CAMK2B: variants seen among roughly 807,000 people sequenced by gnomAD.
CAMK2B encodes calcium/calmodulin-dependent protein kinase type II subunit beta.
In CAMK2B, 27 loss-of-function variants were observed where a neutral mutation model predicts 93.7. The ratio of observed to expected loss-of-function variants is 0.29; its 90% CI spans 0.21 to 0.40. The LOEUF (loss-of-function observed/expected upper bound fraction) is 0.40, where lower values mean the gene tolerates loss of function less well. CAMK2B is among the 10% of genes least tolerant of loss of function. CAMK2B has a pLI of 1.00. For synonymous variants in CAMK2B, 374 were observed against 358.8 expected (o/e 1.04, Z -0.48); for missense variants, 568 against 895.8 (o/e 0.63, Z 4.67).
chr7:44,267,416 G>A (rs905206059), intron 2 of CAMK2B, among the ~76,000 whole-genome samples: 9 of 152,192 alleles, frequency 5.9e-5, no homozygotes, highest in Admixed American at 5.2e-4. Flanking sequence ...ACTCATGCTG[G>A]AAAAAGACTT....
At chr7:44,257,445 C>T (rs2096843866) in intron 4 of CAMK2B, among the ~76,000 whole-genome samples, 1 of 152,236 alleles carries the variant, frequency 6.6e-6, no homozygotes, top group Non-Finnish European at 1.5e-5. Context: ...GAACACACCA[C>T]CCTTTCTCCT....
chr7:44,323,102 G>A (rs561286689), intron 1 of CAMK2B, among the ~76,000 whole-genome samples: 14 of 152,174 alleles, frequency 9.2e-5, no homozygotes, highest in East Asian at 1.9e-4. Flanking sequence ...TCTATGGCAC[G>A]GCTGCACCCC....
chr7:44,263,713 C>T (rs886399568), intron 2 of CAMK2B, among the ~76,000 whole-genome samples: 1 of 152,180 alleles, frequency 6.6e-6, no homozygotes, highest in African/African-American at 2.4e-5. Context: ...ACTTATCTGC[C>T]AGAAATTTTA....
At chr7:44,284,276 G>C (rs1784484192) in intron 1 of CAMK2B, 51 bp from the exon 2 acceptor site, 3 of 1,286,812 alleles carry the variant, frequency 2.3e-6, no homozygotes, top group Non-Finnish European at 3.3e-6. Context: ...CAGACAAGGA[G>C]AAAGAGAGAG....
At position 44,235,042 on chromosome 7, in the gene CAMK2B, C is replaced by T. The variant is rs565959445; in HGVS notation, c.1022-366G>A. ...CTCCCTGATGGGAACTCAGGACTAG[C>T]TGTGTCAGGTTGGGGTGGGGGCAGC... is the stretch of plus-strand genomic sequence containing the variant. On this transcript the variant is annotated intron_variant, in intron 13 of 23. Coordinates refer to ENST00000395749, the MANE Select transcript of CAMK2B (RefSeq NM_001220.5). Among the ~76,000 whole-genome samples, 587 of 151,836 alleles carry T rather than the reference C, an allele frequency of 3.9e-3. 4 individuals carry two copies. Among genetic ancestry groups the T allele is most frequent in the African/African-American group, 0.013 (552 of 41,572 alleles).
At chr7:44,283,134 T>G (rs1784162299) in intron 2 of CAMK2B, among the ~76,000 whole-genome samples, 1 of 152,186 alleles carries the variant, frequency 6.6e-6, no homozygotes, top group African/African-American at 2.4e-5. Context: ...CACCCCACCT[T>G]GGGGCTCCAG....
intron 4 of CAMK2B, among the ~76,000 whole-genome samples, chr7:44,256,603 C>T (rs1378223691): frequency 1.3e-5 from 2 of 152,248 alleles, no homozygotes; most frequent in African/African-American, 2.4e-5. Context: ...GCCTGGCATG[C>T]CCCAGTGTTG....
At chr7:44,245,362 G>A (rs1009354769) in intron 6 of CAMK2B, among the ~76,000 whole-genome samples, 3 of 152,196 alleles carry the variant, frequency 2.0e-5, no homozygotes, top group Non-Finnish European at 4.4e-5. Flanking sequence ...GGGCTGTCAC[G>A]ATCAAGATGG....
intron 1 of CAMK2B, among the ~76,000 whole-genome samples, chr7:44,297,693 A>G (rs1171208620): frequency 6.6e-6 from 1 of 152,230 alleles, no homozygotes; most frequent in Non-Finnish European, 1.5e-5. Context: ...CCCTATCAAA[A>G]TTCCAATGGC....
chr7:44,258,857 A>G lies in CAMK2B; in HGVS notation c.275+15T>C, dbSNP rs926939214. The G allele has an allele frequency of 1.9e-6, 3 of 1,612,756 alleles. No individual in the cohort carries two copies. Among genetic ancestry groups the G allele is most frequent in the African/African-American group, 2.7e-5 (2 of 74,900 alleles). ...GGGAGTGAGTGCAGCGAGAGTCCCCAGCTCTGGAACTTACAGATCGAAGAC... is the reference window on the plus strand; with the variant it reads ...GGGAGTGAGTGCAGCGAGAGTCCCCGGCTCTGGAACTTACAGATCGAAGAC... On this transcript the variant is annotated intron_variant, in intron 4 of 23. Coordinates refer to ENST00000395749, the MANE Select transcript of CAMK2B (RefSeq NM_001220.5).
intron 11 of CAMK2B, 82 bp downstream of exon 11, chr7:44,241,618 G>T: frequency 9.1e-7 from 1 of 1,098,354 alleles, no homozygotes; most frequent in Non-Finnish European, 1.4e-6. Context: ...GGTCTGCCCA[G>T]ACCCCCCAAG....
rs115726216 is a variant in CAMK2B, at chr7:44,305,046, A to T, written c.65+20311T>A. Among the ~76,000 whole-genome samples, 260 of 152,312 alleles carry T rather than the reference A, an allele frequency of 1.7e-3. 1 individual carries two copies. Among genetic ancestry groups the T allele is most frequent in the African/African-American group, 6.1e-3 (252 of 41,568 alleles). ...ATGCCTATATATTTGCCATATAGTG[A>T]AATTTAAAACTTCACTGTGACCTGA... is the stretch of plus-strand genomic sequence containing the variant. On this transcript the variant is annotated intron_variant, in intron 1 of 23. Coordinates refer to ENST00000395749, the MANE Select transcript of CAMK2B (RefSeq NM_001220.5).
chr7:44,222,854 C>T (rs941202511), intron 20 of CAMK2B, among the ~76,000 whole-genome samples: 2 of 152,078 alleles, frequency 1.3e-5, no homozygotes, highest in Non-Finnish European at 2.9e-5. Context: ...ACTGAGTCCA[C>T]AAAGGAGGCG....
chr7:44,276,369 G>A (rs780433149), intron 2 of CAMK2B, among the ~76,000 whole-genome samples: 30 of 152,316 alleles, frequency 2.0e-4, no homozygotes, highest in Non-Finnish European at 2.4e-4. Context: ...TGTGGATTGC[G>A]CGGGAGCCAC....
chr7:44,281,747 C>G (rs1414786476), intron 2 of CAMK2B, among the ~76,000 whole-genome samples: 1 of 152,174 alleles, frequency 6.6e-6, no homozygotes, highest in Non-Finnish European at 1.5e-5. Flanking sequence ...GACTGAAATC[C>G]TGGTTACAGA....
In CAMK2B at chr7:44,224,696, C is replaced by T. The variant is rs920375017; in HGVS notation, c.1597+1820G>A. On this transcript the variant is annotated intron_variant, in intron 20 of 23. Coordinates refer to ENST00000395749, the MANE Select transcript of CAMK2B (RefSeq NM_001220.5). The surrounding 1 kb of genome is among the most constrained non-coding windows in gnomAD (Gnocchi z 4.4). ...CATCTCTCAGAGCCAGAGGTGGCTG[C>T]GGGAGGGAGGGCAGCTGCCCAGGGA... Among the ~76,000 whole-genome samples, 11 of 152,206 alleles carry T rather than the reference C, an allele frequency of 7.2e-5. No homozygotes were observed. The South Asian group carries it at 1.0e-3, about 14-fold the overall frequency.
intron 2 of CAMK2B, 98 bp from the exon 3 acceptor site, chr7:44,263,162 C>T: frequency 8.7e-7 from 1 of 1,154,450 alleles, no homozygotes; most frequent in Non-Finnish European, 1.3e-6. Flanking sequence ...TGTGCCAGGG[C>T]CTCTGACGAG....
Position 44,258,855 on chromosome 7 carries a change from C to T in CAMK2B, c.275+17G>A, listed in dbSNP as rs772236334. ...CTGGGAGTGAGTGCAGCGAGAGTCC[C>T]CAGCTCTGGAACTTACAGATCGAAG... On this transcript the variant is annotated intron_variant, in intron 4 of 23. Transcript: ENST00000395749. 1.2e-6 allele frequency: 2 copies of T among 1,612,884 alleles called. No homozygotes were observed. The highest frequency in any genetic ancestry group is 3.3e-5 in the Admixed American group (2 of 60,000).
At chr7:44,270,348 T>TG (rs1364730642) in intron 2 of CAMK2B, among the ~76,000 whole-genome samples, 1 of 152,162 alleles carries the variant, frequency 6.6e-6, no homozygotes, top group Non-Finnish European at 1.5e-5. Context: ...AGCTGTGTAC[T>TG]GTGCCAGCGT....
Sources: gnomAD v4.1 joint callset for allele counts (sites outside exome capture counted in the v4.1 genomes callset) on GRCh38, gnomAD v4.1.1 for gene constraint, Gnocchi (gnomAD v3.1) non-coding constraint, MANE v1.5 for transcripts, NCBI Gene and HGNC (gene_info 2026-07-23, HGNC 2026-07-21) for gene names.